Variants in BLK observed in about 807,000 individuals in gnomAD.
BLK encodes the protein tyrosine-protein kinase Blk.
BLK carries 64 observed loss-of-function variants against 61.8 expected under a neutral mutation model. That is an observed-to-expected ratio of 1.03 (90% CI 0.85 to 1.27). The LOEUF (loss-of-function observed/expected upper bound fraction) is 1.27. BLK is among the 50% of genes most tolerant of loss of function. The pLI is 0.00. For missense variants in BLK, 853 were observed against 660.5 expected (o/e 1.29, Z -3.19); for synonymous variants, 351 against 272.0 (o/e 1.29, Z -2.86).
At chr8:11,556,903 AG>A in intron 9 of BLK, 66 bp downstream of exon 9, 1 of 1,351,182 alleles carries the variant, frequency 7.4e-7, no homozygotes, top group Non-Finnish European at 9.8e-7. Context: ...CAGGAGGAGG[AG>A]GGTCCGCTGC....
At chr8:11,550,077 G>C in intron 5 of BLK, 82 bp from the exon 6 acceptor site, 2 of 1,216,332 alleles carry the variant, frequency 1.6e-6, no homozygotes, top group Non-Finnish European at 2.4e-6. Flanking sequence ...CTTGGGGACA[G>C]GCAGTGCAGG....
At chr8:11,535,325 A>AAAGAAAGAAAGG (rs1554448024) in intron 1 of BLK, among the ~76,000 whole-genome samples, 1 of 113,222 alleles carries the variant, frequency 8.8e-6, no homozygotes, top group African/African-American at 2.9e-5. Context: ...AGAAAGAAAG[A>AAAGAAAGAAAGG]GAAGGAAAAG....
intron 1 of BLK, among the ~76,000 whole-genome samples, chr8:11,498,772 T>C (rs1798450453): frequency 1.3e-5 from 2 of 152,218 alleles, no homozygotes; most frequent in Admixed American, 1.3e-4. Context: ...CAGTCTTATT[T>C]CTTCATTCAT....
intron 11 of BLK, among the ~76,000 whole-genome samples, 156 bp from the exon 12 acceptor site, chr8:11,562,823 C>T (rs961406135): frequency 8.5e-5 from 13 of 152,280 alleles, no homozygotes; most frequent in Non-Finnish European, 1.2e-4. Context: ...TCCTGGTGTG[C>T]GGTAGTGGCT....
chr8:11,501,412 CT>C (rs995381648), intron 1 of BLK, among the ~76,000 whole-genome samples: 1 of 148,956 alleles, frequency 6.7e-6, no homozygotes. Context: ...TTTGTGGTGT[CT>C]GTCTGTCTGT....
intron 1 of BLK, among the ~76,000 whole-genome samples, chr8:11,500,259 T>C (rs892529032): frequency 2.6e-5 from 4 of 152,188 alleles, no homozygotes; most frequent in Admixed American, 2.0e-4. Flanking sequence ...AATGGTTTGA[T>C]CTCAGCTCAC....
intron 1 of BLK, among the ~76,000 whole-genome samples, chr8:11,512,122 G>A (rs977969565): frequency 1.3e-5 from 2 of 152,222 alleles, no homozygotes; most frequent in African/African-American, 2.4e-5. Flanking sequence ...CTCAGGAGGA[G>A]TCTGGTTTAG....
chr8:11,527,849 G>A (rs1245066041), intron 1 of BLK, among the ~76,000 whole-genome samples: 1 of 152,020 alleles, frequency 6.6e-6, no homozygotes, highest in African/African-American at 2.4e-5. Flanking sequence ...ACCAAATGGG[G>A]GAGTCAGAAA....
intron 12 of BLK, 129 bp from the exon 13 acceptor site, chr8:11,563,774 G>A: frequency 2.3e-6 from 2 of 861,568 alleles, no homozygotes; most frequent in Non-Finnish European, 3.5e-6. Context: ...CGAGGCTGGA[G>A]AAGTGGTCTG....
chr8:11,520,808 G>A (rs887308256), intron 1 of BLK, among the ~76,000 whole-genome samples: 6 of 152,076 alleles, frequency 3.9e-5, no homozygotes, highest in African/African-American at 1.4e-4. Flanking sequence ...ACAAGTAATT[G>A]AAAAGCTATT....
intron 1 of BLK, among the ~76,000 whole-genome samples, chr8:11,531,258 T>C (rs935800091): frequency 2.0e-5 from 3 of 152,242 alleles, no homozygotes; most frequent in Non-Finnish European, 2.9e-5. Context: ...GTCTCTGATT[T>C]AGCTATTTCT....
chr8:11,501,628 C>T, intron 1 of BLK, among the ~76,000 whole-genome samples: 1 of 152,166 alleles, frequency 6.6e-6, no homozygotes, highest in East Asian at 1.9e-4. Context: ...CAAATAATAA[C>T]AAAATATGCA....
chr8:11,522,124 GC>G (rs976787631), intron 1 of BLK, among the ~76,000 whole-genome samples: 3 of 152,006 alleles, frequency 2.0e-5, no homozygotes, highest in African/African-American at 7.3e-5. Context: ...ATACAAGTTT[GC>G]ACATATTTTA....
chr8:11,563,994 C>G lies in BLK; in HGVS notation c.1404C>G (p.Val468=), dbSNP rs1185486598. 1.2e-6 allele frequency: 2 copies of G among 1,605,982 alleles called. No individual in the cohort carries two copies. Among genetic ancestry groups the G allele is most frequent in the South Asian group, 1.1e-5 (1 of 90,954 alleles). Residue 468 remains valine, a synonymous_variant, in exon 13 of 13, where the codon GTC becomes GTG. Coordinates refer to ENST00000259089, the MANE Select transcript of BLK (RefSeq NM_001715.3). The part of the protein sequence containing the change: ...DTCPPELYRG[V]IAECWRSRPE... ...GCCCGCCCGAGCTGTACCGCGGCGT[C>G]ATCGCCGAGTGCTGGCGCAGCCGGC...
At chr8:11,510,263 G>A (rs1798944096) in intron 1 of BLK, among the ~76,000 whole-genome samples, 1 of 152,182 alleles carries the variant, frequency 6.6e-6, no homozygotes, top group Non-Finnish European at 1.5e-5. Flanking sequence ...GTGTGATAGT[G>A]ACTTGAGTTT....
chr8:11,525,202 T>C (rs1799609528), intron 1 of BLK, among the ~76,000 whole-genome samples: 1 of 152,228 alleles, frequency 6.6e-6, no homozygotes, highest in African/African-American at 2.4e-5. Context: ...CGTATTTGCT[T>C]TAAGTAATTG....
chr8:11,555,757 A>G, intron 8 of BLK: 1 of 533,728 alleles, frequency 1.9e-6, no homozygotes, highest in Non-Finnish European at 3.4e-6. Context: ...CTCTGCCTGA[A>G]GCTGGCTTTG....
intron 1 of BLK, among the ~76,000 whole-genome samples, chr8:11,504,068 A>C (rs989133103): frequency 8.5e-5 from 13 of 152,192 alleles, no homozygotes; most frequent in Admixed American, 8.5e-4. Flanking sequence ...ACACACCTGT[A>C]ATCTCAGTAC....
At chr8:11,528,786 T>C (rs574917381) in intron 1 of BLK, among the ~76,000 whole-genome samples, 1 of 152,088 alleles carries the variant, frequency 6.6e-6, no homozygotes, top group Non-Finnish European at 1.5e-5. Context: ...AGGAACGAGA[T>C]TATGTCCTTT....
Sources: allele counts gnomAD v4.1 joint callset (sites outside exome capture counted in the v4.1 genomes callset), GRCh38; gene constraint gnomAD v4.1.1; transcripts MANE v1.5; gene names NCBI Gene and HGNC (gene_info 2026-07-23, HGNC 2026-07-21).